GLCCI1: variants seen among roughly 807,000 people sequenced by gnomAD.
The protein encoded by GLCCI1 is glucocorticoid-induced transcript 1 protein.
In GLCCI1, 24 loss-of-function variants were observed where a neutral mutation model predicts 52.2. The ratio of observed to expected loss-of-function variants is 0.46; its 90% CI spans 0.33 to 0.65. GLCCI1 has a LOEUF of 0.65. GLCCI1 is among the 30% of genes least tolerant of loss of function. The probability of loss-of-function intolerance (pLI) is 0.02; values close to 1 mark genes in which losing one functional copy is unlikely to be tolerated. For synonymous variants in GLCCI1, 310 were observed against 276.5 expected, an observed-to-expected ratio of 1.12 and a Z score of -1.20; for missense variants, 704 against 701.5, an observed-to-expected ratio of 1.00 and a Z score of -0.04.
At chr7:7,977,138 T>C (rs1583939310) in intron 1 of GLCCI1, among the ~76,000 whole-genome samples, 1 of 152,196 alleles carries the variant, frequency 6.6e-6, no homozygotes. Context: ...ACTAAAAAAT[T>C]AGCTTTCTGA....
intron 3 of GLCCI1, among the ~76,000 whole-genome samples, chr7:8,045,292 A>T (rs779061218): frequency 6.6e-6 from 1 of 152,158 alleles, no homozygotes; most frequent in African/African-American, 2.4e-5. Context: ...AGATGCACCC[A>T]CACTCGCTCA....
intron 3 of GLCCI1, among the ~76,000 whole-genome samples, chr7:8,034,423 A>G (rs1214475206): frequency 6.6e-6 from 1 of 152,206 alleles, no homozygotes; most frequent in Non-Finnish European, 1.5e-5. Context: ...CTAAGAGAAT[A>G]AAAAGACAAG....
chr7:8,022,081 T>C (rs1344177577), intron 2 of GLCCI1, among the ~76,000 whole-genome samples: 1 of 152,230 alleles, frequency 6.6e-6, no homozygotes, highest in Non-Finnish European at 1.5e-5. Flanking sequence ...ATGTAGGTCA[T>C]TCTTAATACT....
At chr7:8,037,836 A>G (rs12234474) in intron 3 of GLCCI1, among the ~76,000 whole-genome samples, 2,273 of 152,334 alleles carry the variant, frequency 0.015, 54 homozygotes, top group East Asian at 0.083. Context: ...CAACAAGAAG[A>G]TATAGCAATT....
intron 2 of GLCCI1, among the ~76,000 whole-genome samples, chr7:8,010,783 A>ATT (rs1475524119): frequency 6.6e-6 from 1 of 152,086 alleles, no homozygotes; most frequent in Non-Finnish European, 1.5e-5. Flanking sequence ...ATTTTGAGAA[A>ATT]TTTTCTGTAC....
chr7:7,998,320 A>G lies in GLCCI1; in HGVS notation c.458-5588A>G, dbSNP rs895458788. Among the ~76,000 whole-genome samples the G allele has an allele frequency of 6.6e-5, 10 of 152,146 alleles. 1 individual carries two copies. Among genetic ancestry groups the G allele is most frequent in the African/African-American group, 1.9e-4 (8 of 41,526 alleles). ...AAACCTCCGCCTTTCGGGTCAAGCA[A>G]TTCACCTGCCTCAGCCTCCTGAGTA... is the stretch of plus-strand genomic sequence containing the variant. On this transcript the variant is annotated intron_variant, in intron 1 of 7. Coordinates refer to ENST00000223145, the MANE Select transcript of GLCCI1 (RefSeq NM_138426.4).
At chr7:8,023,550 A>G (rs1781540913) in intron 3 of GLCCI1, among the ~76,000 whole-genome samples, 1 of 149,090 alleles carries the variant, frequency 6.7e-6, no homozygotes, top group African/African-American at 2.5e-5. Flanking sequence ...TCCTAAATAA[A>G]TACTCCTTAA....
Position 8,060,160 on chromosome 7 carries a change from C to G in GLCCI1, c.878C>G (p.Ser293Trp). 1 of 1,613,340 alleles carries G rather than the reference C, an allele frequency of 6.2e-7. No homozygotes were observed. The highest frequency in any genetic ancestry group is 8.5e-7 in the Non-Finnish European group (1 of 1,179,456). The part of the protein sequence containing the change: ...SNISVPKSSV[S>W]RVPCNVEGIS... Reference sequence around the variant, plus strand: ...ATATCAGTGCCAAAATCATCTGTTTCGCGTGTGCCCTGCAATGTAGAAGGA... The same window carrying G: ...ATATCAGTGCCAAAATCATCTGTTTGGCGTGTGCCCTGCAATGTAGAAGGA... The change falls in exon 5 of 8, where the codon TCG becomes TGG. Residue 293 changes from serine to tryptophan, a missense_variant. This residue lies in a region of GLCCI1 where 547 missense variants were observed against 524.8 expected (regional missense o/e 1.04). Transcript: ENST00000223145.
intron 1 of GLCCI1, among the ~76,000 whole-genome samples, chr7:7,992,341 T>G (rs963068111): frequency 1.3e-5 from 2 of 152,056 alleles, no homozygotes; most frequent in African/African-American, 4.8e-5. Flanking sequence ...TCAAAGGTGC[T>G]GGCTCAATGA....
In GLCCI1 at chr7:8,021,279, A is replaced by T. The variant is rs76304072; in HGVS notation, c.610-1204A>T. On this transcript the variant is annotated intron_variant, in intron 2 of 7. Coordinates refer to ENST00000223145, the MANE Select transcript of GLCCI1 (RefSeq NM_138426.4). ...ATAAATGATACCTTTTTCAGCATGT[A>T]TTGAAAAATAATTTTTAAAGCTGTA... 1.3e-3 allele frequency among the ~76,000 whole-genome samples: 201 copies of T among 152,312 alleles called. 4 individuals are homozygous for T. In the East Asian group the frequency reaches 0.037, roughly 28 times the overall value.
chr7:7,973,571 A>G (rs1780399850), intron 1 of GLCCI1, among the ~76,000 whole-genome samples: 1 of 152,134 alleles, frequency 6.6e-6, no homozygotes, highest in South Asian at 2.1e-4. Flanking sequence ...AAAACATGGA[A>G]GAGCTTGTAA....
chr7:8,083,192 C>T (rs1030042482), intron 6 of GLCCI1, among the ~76,000 whole-genome samples: 5 of 152,062 alleles, frequency 3.3e-5, no homozygotes, highest in Admixed American at 1.3e-4. Context: ...TTTTGATACA[C>T]GTATGTAGTG....
At chr7:8,006,266 G>A (rs529522939) in intron 2 of GLCCI1, among the ~76,000 whole-genome samples, 78 of 152,288 alleles carry the variant, frequency 5.1e-4, no homozygotes, top group Non-Finnish European at 2.5e-4. Flanking sequence ...GCTAAAGAGA[G>A]GTCATGGTGA....
At chr7:7,994,115 A>G (rs1486645078) in intron 1 of GLCCI1, among the ~76,000 whole-genome samples, 6 of 152,180 alleles carry the variant, frequency 3.9e-5, no homozygotes, top group Non-Finnish European at 8.8e-5. Context: ...TTAGCCAGAC[A>G]TGTTGGTTCA....
intron 1 of GLCCI1, among the ~76,000 whole-genome samples, chr7:7,987,035 T>C (rs1033972365): frequency 6.6e-6 from 1 of 152,210 alleles, no homozygotes; most frequent in African/African-American, 2.4e-5. Flanking sequence ...CTTGCATCTT[T>C]AATGTAATCA....
At chr7:8,083,548 A>G (rs1783040781) in intron 6 of GLCCI1, among the ~76,000 whole-genome samples, 1 of 152,104 alleles carries the variant, frequency 6.6e-6, no homozygotes, top group Non-Finnish European at 1.5e-5. Context: ...TAAATATTAA[A>G]CTTAAGAAAA....
chr7:7,984,142 C>T (rs1780675802), intron 1 of GLCCI1, among the ~76,000 whole-genome samples: 1 of 152,158 alleles, frequency 6.6e-6, no homozygotes, highest in Non-Finnish European at 1.5e-5. Flanking sequence ...CTCACTGCAG[C>T]CTCAGCTTCC....
chr7:8,009,668 G>C (rs1014322110), intron 2 of GLCCI1, among the ~76,000 whole-genome samples: 5 of 152,192 alleles, frequency 3.3e-5, no homozygotes, highest in African/African-American at 1.2e-4. Flanking sequence ...GACAAGCATA[G>C]CCTTCTTAAT....
At chr7:8,076,576 G>A (rs1782880896) in intron 6 of GLCCI1, among the ~76,000 whole-genome samples, 1 of 152,094 alleles carries the variant, frequency 6.6e-6, no homozygotes, top group African/African-American at 2.4e-5. Context: ...TTTTAACAAT[G>A]GCAGATACTG....
Sources: allele counts gnomAD v4.1 joint callset (sites outside exome capture counted in the v4.1 genomes callset), GRCh38; gene constraint gnomAD v4.1.1; regional missense constraint gnomAD v4.1.1; transcripts MANE v1.5; gene names NCBI Gene and HGNC (gene_info 2026-07-23, HGNC 2026-07-21).